Variants in STK38L observed in about 807,000 individuals in gnomAD.
STK38L encodes serine/threonine-protein kinase 38-like.
A neutral mutation model predicts 59.7 loss-of-function variants in STK38L; 28 were observed. The ratio of observed to expected loss-of-function variants is 0.47; its 90% confidence interval spans 0.35 to 0.64. STK38L has a LOEUF of 0.64. STK38L is among the 30% of genes least tolerant of loss of function. The pLI, the probability that STK38L is intolerant of heterozygous loss-of-function variation, is 0.01. For synonymous variants in STK38L, 162 were observed against 176.8 expected (o/e 0.92, Z 0.66); for missense variants, 314 against 555.8 (o/e 0.56, Z 4.37).
intron 1 of STK38L, among the ~76,000 whole-genome samples, chr12:27,285,052 A>G (rs1253279173): frequency 6.6e-6 from 1 of 152,180 alleles, no homozygotes; most frequent in Non-Finnish European, 1.5e-5. Context: ...AAATAACCAA[A>G]CATAGCTCAT....
intron 11 of STK38L, 119 bp downstream of exon 11, chr12:27,318,138 A>C (rs1030224544): frequency 8.1e-7 from 1 of 1,232,444 alleles, no homozygotes; most frequent in African/African-American, 1.5e-5. Context: ...AGTCAAAGAG[A>C]TCAATAAAGG....
chr12:27,320,877 G>A (rs1250104003), intron 12 of STK38L, among the ~76,000 whole-genome samples: 1 of 151,562 alleles, frequency 6.6e-6, no homozygotes, highest in Non-Finnish European at 1.5e-5. Context: ...CACCTCCCGG[G>A]TTCACGCCAT....
Position 27,324,617 on chromosome 12 carries a change from T to G in STK38L, c.*2162T>G, listed in dbSNP as rs1944800199. ...GAAAGAGCTTGCAAATAGTTTTACT[T>G]TCTTGGCACTGGAAGGGTAGTTCTG... On this transcript the variant is annotated 3_prime_UTR_variant, in exon 14 of 14. Coordinates refer to ENST00000389032, the MANE Select transcript of STK38L (RefSeq NM_015000.4). 6.6e-6 allele frequency: 1 copy of G among 152,086 alleles called. No individual in the cohort carries two copies. The highest frequency in any genetic ancestry group is 6.5e-5 in the Admixed American group (1 of 15,272). 9.4% of individuals were successfully genotyped at this position (152,086 alleles called of 1,614,324 possible). A position where few individuals can be genotyped will look rare whatever the true frequency, so the allele number is the denominator to read the frequency against.
In STK38L at chr12:27,322,463, T is replaced by G. The variant is rs914566057; in HGVS notation, c.*8T>G. The G allele has an allele frequency of 6.2e-7, 1 of 1,611,492 alleles. No homozygotes were observed. On this transcript the variant is annotated 3_prime_UTR_variant, in exon 14 of 14. Coordinates refer to ENST00000389032, the MANE Select transcript of STK38L (RefSeq NM_015000.4). ...AAAGCTGGGAAGTTATGAATGAAGA[T>G]AACATTCACCCATAACCAAGAGAAC...
At chr12:27,285,389 T>C (rs1326645323) in intron 1 of STK38L, among the ~76,000 whole-genome samples, 1 of 152,228 alleles carries the variant, frequency 6.6e-6, no homozygotes, top group Non-Finnish European at 1.5e-5. Flanking sequence ...TATTTGAAAT[T>C]TTTATTTTAT....
In STK38L at chr12:27,254,703, A is replaced by G. The variant is rs556656513; in HGVS notation, c.-12+10371A>G. Among the ~76,000 whole-genome samples, 4 of 152,324 alleles carry G rather than the reference A, an allele frequency of 2.6e-5. No homozygotes were observed. The South Asian group carries it at 6.2e-4, about 24-fold the overall frequency. On this transcript the variant is annotated intron_variant, in intron 1 of 13. Coordinates refer to ENST00000389032, the MANE Select transcript of STK38L (RefSeq NM_015000.4). ...CAGCTGTTTTGGCTTTAGTGCCATTACTGGTAATACTAAAAGATCATGGGC... is the reference window on the plus strand; with the variant it reads ...CAGCTGTTTTGGCTTTAGTGCCATTGCTGGTAATACTAAAAGATCATGGGC...
chr12:27,292,191 G>A (rs996070869), intron 1 of STK38L, among the ~76,000 whole-genome samples: 1 of 152,186 alleles, frequency 6.6e-6, no homozygotes, highest in Non-Finnish European at 1.5e-5. Flanking sequence ...AAAAAGAACA[G>A]TGTTAAATCC....
chr12:27,288,966 T>A (rs1412726461), intron 1 of STK38L, among the ~76,000 whole-genome samples: 1 of 152,118 alleles, frequency 6.6e-6, no homozygotes, highest in African/African-American at 2.4e-5. Flanking sequence ...TGATTTAAAA[T>A]TCTTTTAGGG....
At chr12:27,305,671 C>A (rs1944293345) in intron 3 of STK38L, among the ~76,000 whole-genome samples, 1 of 152,132 alleles carries the variant, frequency 6.6e-6, no homozygotes, top group Admixed American at 6.5e-5. Flanking sequence ...AAATACTGGC[C>A]ACCCTACAGA....
chr12:27,294,879 TA>T lies in STK38L; in HGVS notation c.-11-2815del, dbSNP rs547338879. On this transcript the variant is annotated intron_variant, in intron 1 of 13. Coordinates refer to ENST00000389032, the MANE Select transcript of STK38L (RefSeq NM_015000.4). ...GTGTGCACTACCACACCTAGCTAAG[TA>T]AAAAAAAAAAAAAAATTGTAGAGAT... 5.7e-3 allele frequency among the ~76,000 whole-genome samples: 766 copies of T among 134,930 alleles called. 6 individuals carry two copies. The highest frequency in any genetic ancestry group is 0.025 in the East Asian group (116 of 4,692). 88.5% of individuals were successfully genotyped at this position (134,930 alleles called of 152,430 possible). A position where few individuals can be genotyped will look rare whatever the true frequency, so the allele number is the denominator to read the frequency against.
intron 1 of STK38L, among the ~76,000 whole-genome samples, chr12:27,261,434 A>G (rs1425041025): frequency 6.6e-6 from 1 of 152,168 alleles, no homozygotes; most frequent in African/African-American, 2.4e-5. Flanking sequence ...TCTTTGTTTA[A>G]TACCCATATT....
At chr12:27,251,918 A>G (rs1942983078) in intron 1 of STK38L, among the ~76,000 whole-genome samples, 2 of 152,250 alleles carry the variant, frequency 1.3e-5, no homozygotes, top group Non-Finnish European at 2.9e-5. Flanking sequence ...AAGGGAGGAC[A>G]GACATAAACA....
intron 1 of STK38L, among the ~76,000 whole-genome samples, chr12:27,246,328 T>TTG (rs3080857): frequency 0.77 from 116,860 of 151,552 alleles, 45,989 homozygotes; most frequent in East Asian, 1. Context: ...GGAGGCTCTT[T>TTG]TGTGTGTGTG....
chr12:27,260,857 T>C (rs1408166531), intron 1 of STK38L, among the ~76,000 whole-genome samples: 5 of 152,218 alleles, frequency 3.3e-5, no homozygotes, highest in African/African-American at 1.2e-4. Flanking sequence ...ATCTGGCACA[T>C]AGTGGATGCT....
chr12:27,305,675 C>A (rs1217263034), intron 3 of STK38L, among the ~76,000 whole-genome samples: 1 of 152,070 alleles, frequency 6.6e-6, no homozygotes, highest in East Asian at 1.9e-4. Flanking sequence ...ACTGGCCACC[C>A]TACAGATGGA....
intron 1 of STK38L, among the ~76,000 whole-genome samples, chr12:27,288,848 C>T (rs559155570): frequency 6.6e-6 from 1 of 151,526 alleles, no homozygotes; most frequent in East Asian, 1.9e-4. Flanking sequence ...CTCCCTCCCC[C>T]CTGCCATTTA....
intron 5 of STK38L, among the ~76,000 whole-genome samples, chr12:27,311,983 G>A (rs890892199): frequency 2.6e-5 from 4 of 151,904 alleles, no homozygotes; most frequent in African/African-American, 2.4e-5. Context: ...GGGTTCAAGC[G>A]ATTCTCCTGC....
rs117729953 is a variant in STK38L at position 27,250,318 on chromosome 12, A to G, written c.-12+5986A>G. On this transcript the variant is annotated intron_variant, in intron 1 of 13. Coordinates refer to ENST00000389032, the MANE Select transcript of STK38L (RefSeq NM_015000.4). Reference sequence around the variant, plus strand: ...ACTGCATTTCTCTTGATTCCTCACCAATTCAAGAGACACAGTAAGTAATCT... The same window carrying G: ...ACTGCATTTCTCTTGATTCCTCACCGATTCAAGAGACACAGTAAGTAATCT... Among the ~76,000 whole-genome samples the G allele has an allele frequency of 8.2e-4, 125 of 152,320 alleles. No homozygotes were observed. In the East Asian group the frequency reaches 0.016, roughly 19 times the overall value.
intron 1 of STK38L, among the ~76,000 whole-genome samples, chr12:27,288,380 A>C (rs891898870): frequency 5.3e-5 from 8 of 152,158 alleles, no homozygotes; most frequent in Non-Finnish European, 1.2e-4. Flanking sequence ...TTTATAACAA[A>C]AGTGAAAAAT....
Sources: gnomAD v4.1 joint callset for allele counts (sites outside exome capture counted in the v4.1 genomes callset) on GRCh38, gnomAD v4.1.1 for gene constraint, MANE v1.5 for transcripts, NCBI Gene and HGNC (gene_info 2026-07-23, HGNC 2026-07-21) for gene names.